Variants in ICAM3 observed in about 807,000 individuals in gnomAD.
The protein encoded by ICAM3 is ICAM-3.
Under a neutral mutation model 43.6 loss-of-function variants are expected in ICAM3, and 54 were observed. The observed-to-expected ratio is 1.24, with a 90% CI of 0.99 to 1.55. The LOEUF is 1.55. ICAM3 is among the 40% of genes most tolerant of loss of function. The pLI is 0.00. For missense variants in ICAM3, 715 were observed against 717.9 expected, an observed-to-expected ratio of 1.00 and a Z score of 0.05; for synonymous variants, 306 against 312.6, an observed-to-expected ratio of 0.98 and a Z score of 0.22.
chr19:10,335,335 G>A lies in ICAM3; in HGVS notation c.668C>T (p.Pro223Leu). 1 of 1,605,902 alleles carries A rather than the reference G, an allele frequency of 6.2e-7. No homozygotes were observed. The highest frequency in any genetic ancestry group is 8.5e-7 in the Non-Finnish European group (1 of 1,177,600). Residue 223 changes from proline (P) to leucine (L), a missense_variant, in exon 4 of 7, where the codon CCG becomes CTG. Pro to Leu is a moderately conservative substitution (Grantham distance 98, BLOSUM62 -3). Coordinates refer to ENST00000160262, the MANE Select transcript of ICAM3 (RefSeq NM_002162.5). ...LRTFVLPVTP[P>L]RLVAPRFLEV... ...CAAGAACCGGGGGGCCACGAGGCGC[G>A]GGGGGGTCACGGGCAGGACTGGGGA...
Position 10,335,341 on chromosome 19 carries a change from G to C in ICAM3, c.662C>G (p.Thr221Ser). 2.5e-6 allele frequency: 4 copies of C among 1,606,824 alleles called. No homozygotes were observed. Among genetic ancestry groups the C allele is most frequent in the South Asian group, 1.1e-5 (1 of 90,908 alleles). Residue 221 changes from threonine (T) to serine (S), a missense_variant, in exon 4 of 7, where the codon ACC (threonine) becomes AGC (serine). Coordinates refer to ENST00000160262, the MANE Select transcript of ICAM3 (RefSeq NM_002162.5). ...RQLRTFVLPV[T>S]PPRLVAPRFL... is the part of the protein sequence containing the mutation. ...CCGGGGGGCCACGAGGCGCGGGGGGGTCACGGGCAGGACTGGGGAGAAAGG... is the reference window on the plus strand; with the variant it reads ...CCGGGGGGCCACGAGGCGCGGGGGGCTCACGGGCAGGACTGGGGAGAAAGG...
At position 10,335,210 on chromosome 19, in the gene ICAM3, C is replaced by G; in HGVS notation, c.793G>C (p.Ala265Pro). 1 of 1,613,924 alleles carries G rather than the reference C, an allele frequency of 6.2e-7. No individual in the cohort carries two copies. The part of the protein sequence containing the change: ...YLALGDQMLN[A>P]TVMNHGDTLT... Reference sequence around the variant, plus strand: ...GTGTCCCCGTGGTTCATGACTGTCGCATTCAGCATCTGGTCCCCCAGCGCC... The same window carrying G: ...GTGTCCCCGTGGTTCATGACTGTCGGATTCAGCATCTGGTCCCCCAGCGCC... The change falls in exon 4 of 7, where the codon GCG becomes CCG. Residue 265 changes from alanine (A) to proline (P), a missense_variant. Coordinates refer to ENST00000160262, the MANE Select transcript of ICAM3 (RefSeq NM_002162.5).
Position 10,335,305 on chromosome 19 carries a change from A to G in ICAM3, c.698T>C (p.Val233Ala). Residue 233 changes from valine to alanine, a missense_variant, in exon 4 of 7, where the codon GTG becomes GCG. Physicochemically the swap from Val to Ala is moderately conservative, Grantham distance 64 (BLOSUM62 0). Coordinates refer to ENST00000160262, the MANE Select transcript of ICAM3 (RefSeq NM_002162.5). ...GCAGTCCACCGGCCACGACGTTTCC[A>G]CCTCCAAGAACCGGGGGGCCACGAG... ...PRLVAPRFLE[V>A]ETSWPVDCTL... The G allele has an allele frequency of 1.2e-6, 2 of 1,611,818 alleles. No homozygotes were observed. The highest frequency in any genetic ancestry group is 1.7e-6 in the Non-Finnish European group (2 of 1,179,676).
Position 10,339,570 on chromosome 19 carries a change from C to G in ICAM3, c.45G>C (p.Trp15Cys). 1 of 1,614,080 alleles carries G rather than the reference C, an allele frequency of 6.2e-7. No individual in the cohort carries two copies. The highest frequency in any genetic ancestry group is 8.5e-7 in the Non-Finnish European group (1 of 1,180,014). The change falls in exon 1 of 7, where the codon TGG (tryptophan) becomes TGC (cysteine). Residue 15 changes from tryptophan (W) to cysteine (C), a missense_variant. By Grantham distance (215) the Trp-to-Cys change is radical (BLOSUM62 -2). Transcript: ENST00000160262. ...VPSVLWPRAC[W>C]TLLVCCLLTP... is the part of the protein sequence containing the mutation. ...TCAGCAGACAGCAGACCAGCAGAGT[C>G]CAGCAGGCCCTGGGCCACAACACGG...
intron 2 of ICAM3, among the ~76,000 whole-genome samples, chr19:10,338,403 C>CAA (rs201095769): frequency 1.0e-3 from 132 of 126,462 alleles, no homozygotes; most frequent in Non-Finnish European, 1.7e-3. Flanking sequence ...AACTCTGTCT[C>CAA]AAAAAAAAAA....
chr19:10,335,463 G>GAC (rs2040586324), intron 3 of ICAM3, 110 bp from the exon 4 acceptor site: 6 of 1,174,978 alleles, frequency 5.1e-6, no homozygotes, highest in South Asian at 3.1e-5. Context: ...TTCTTCACAG[G>GAC]ACACACACAC....
rs2099655415 is a variant in ICAM3, at chr19:10,334,917, C to A, written c.938-135G>T. ...CCGTTCAAGCCTCGCCCTCTTTCCG[C>A]GCTGTGTCCAGCTTCGGGCACTCAG... On this transcript the variant is annotated intron_variant, in intron 4 of 6. Transcript: ENST00000160262. This position sits in a 1 kb window ranked among gnomAD's most constrained non-coding sequence, Gnocchi z 5.5. 28 of 1,444,734 alleles carry A rather than the reference C, an allele frequency of 1.9e-5. No homozygotes were observed. Among genetic ancestry groups the A allele is most frequent in the Non-Finnish European group, 2.4e-5 (26 of 1,074,660 alleles). The allele number at this position is 1,444,734 out of a possible 1,614,324, so 89.5% of individuals were successfully genotyped here.
chr19:10,338,037 C>T (rs576869005), intron 2 of ICAM3, among the ~76,000 whole-genome samples: 1 of 150,336 alleles, frequency 6.7e-6, no homozygotes, highest in East Asian at 1.9e-4. Flanking sequence ...GCAGAGGTCG[C>T]AGTGAGCCGA....
At chr19:10,336,018 A>T in intron 2 of ICAM3, 42 bp from the exon 3 acceptor site, 2 of 1,486,404 alleles carry the variant, frequency 1.3e-6, no homozygotes, top group East Asian at 2.5e-5. Flanking sequence ...GGTCCTGCAA[A>T]CCCACCCACT....
chr19:10,339,610 G>A lies in ICAM3; in HGVS notation c.5C>T (p.Ala2Val). 6.2e-7 allele frequency: 1 copy of A among 1,613,676 alleles called. No homozygotes were observed. Among genetic ancestry groups the A allele is most frequent in the Non-Finnish European group, 8.5e-7 (1 of 1,179,850 alleles). M[A>V]TMVPSVLWPR... ...CCACAACACGGATGGTACCATGGTG[G>A]CCATTCTGACAGAGGAAGGTGCCTT... The change falls in exon 1 of 7, where the codon GCC (alanine) becomes GTC (valine). Residue 2 changes from alanine (A) to valine (V), a missense_variant. Physicochemically the swap from Ala to Val is moderately conservative, Grantham distance 64. Coordinates refer to ENST00000160262, the MANE Select transcript of ICAM3 (RefSeq NM_002162.5).
Position 10,333,839 on chromosome 19 carries a change from T to G in ICAM3, c.*18A>C. On this transcript the variant is annotated 3_prime_UTR_variant, in exon 7 of 7. Transcript: ENST00000160262. The surrounding 1 kb of genome is among the most constrained non-coding windows in gnomAD (Gnocchi z 4.2). Reference sequence around the variant, plus strand: ...GGCACAGCCAAGCCCCCGCCAACTTTGATCCCGGATCCCAGCGTCACTCAG... The same window carrying G: ...GGCACAGCCAAGCCCCCGCCAACTTGGATCCCGGATCCCAGCGTCACTCAG... 6.2e-7 allele frequency: 1 copy of G among 1,611,448 alleles called. No individual in the cohort carries two copies. Among genetic ancestry groups the G allele is most frequent in the South Asian group, 1.1e-5 (1 of 91,058 alleles).
Position 10,338,829 on chromosome 19 carries a change from C to T in ICAM3, c.196G>A (p.Glu66Lys). Residue 66 changes from glutamate to lysine, a missense_variant, in exon 2 of 7, where the codon GAG becomes AAG. Glu to Lys is a moderately conservative substitution (Grantham distance 56). Coordinates refer to ENST00000160262, the MANE Select transcript of ICAM3 (RefSeq NM_002162.5). ...ACCAGCTCCTTTGATAGGGACGTCTCCAAGGCGATTTTCTCAGAGCTGGGA... is the reference window on the plus strand; with the variant it reads ...ACCAGCTCCTTTGATAGGGACGTCTTCAAGGCGATTTTCTCAGAGCTGGGA... ...DCPSSEKIAL[E>K]TSLSKELVAS... is the part of the protein sequence containing the mutation. 1 of 1,614,180 alleles carries T rather than the reference C, an allele frequency of 6.2e-7. No individual in the cohort carries two copies. The highest frequency in any genetic ancestry group is 8.5e-7 in the Non-Finnish European group (1 of 1,180,044).
In ICAM3 at chr19:10,333,835, A is replaced by G. The variant is rs749732092; in HGVS notation, c.*22T>C. The G allele has an allele frequency of 1.2e-6, 2 of 1,610,720 alleles. No individual in the cohort carries two copies. Among genetic ancestry groups the G allele is most frequent in the Non-Finnish European group, 1.7e-6 (2 of 1,177,096 alleles). ...TGAGGGCACAGCCAAGCCCCCGCCA[A>G]CTTTGATCCCGGATCCCAGCGTCAC... is the stretch of plus-strand genomic sequence containing the variant. On this transcript the variant is annotated 3_prime_UTR_variant, in exon 7 of 7. Coordinates refer to ENST00000160262, the MANE Select transcript of ICAM3 (RefSeq NM_002162.5). This position sits in a 1 kb window ranked among gnomAD's most constrained non-coding sequence, Gnocchi z 4.2.
At chr19:10,339,136 G>T in intron 1 of ICAM3, 188 bp from the exon 2 acceptor site, 1 of 649,368 alleles carries the variant, frequency 1.5e-6, no homozygotes, top group Non-Finnish European at 2.6e-6. Context: ...AAGAGGCTCT[G>T]ATCCAGCATA....
chr19:10,335,008 C>T lies in ICAM3; in HGVS notation c.937+58G>A, dbSNP rs1422395219. 3.2e-6 allele frequency: 5 copies of T among 1,568,544 alleles called. No individual in the cohort carries two copies. In the East Asian group the frequency reaches 9.0e-5, roughly 28 times the overall value. On this transcript the variant is annotated intron_variant, in intron 4 of 6. Transcript: ENST00000160262. The stretch of plus-strand genomic sequence containing the variant: ...CCCACCTTTTCGGCTAGTCTCCGCC[C>T]CCTCTGCCACGCCCCCAGACTGCTG...
chr19:10,333,777 T>C lies in ICAM3; in HGVS notation c.*80A>G, dbSNP rs1445989416. 6.7e-7 allele frequency: 1 copy of C among 1,493,300 alleles called. No individual in the cohort carries two copies. The highest frequency in any genetic ancestry group is 1.4e-5 in the African/African-American group (1 of 72,424). The allele number at this position is 1,493,300 out of a possible 1,614,324, so 92.5% of individuals were successfully genotyped here. A position where few individuals can be genotyped will look rare whatever the true frequency, so the allele number is the denominator to read the frequency against. On this transcript the variant is annotated 3_prime_UTR_variant, in exon 7 of 7. Coordinates refer to ENST00000160262, the MANE Select transcript of ICAM3 (RefSeq NM_002162.5). The surrounding 1 kb of genome is among the most constrained non-coding windows in gnomAD (Gnocchi z 4.2). ...GCGCGGGTGGAATCAAACCACAGAT[T>C]AGGGAGTTTGAAGGCTTTATTGGTG...
At position 10,334,292 on chromosome 19, in the gene ICAM3, T is replaced by C. The variant is rs1220519783; in HGVS notation, c.1309A>G (p.Lys437Glu). ...GGCACCTCCCGGCTGGAGCCTTCCTTCAAACACCGCAGCTCGGGGTACGGG... is the reference window on the plus strand; with the variant it reads ...GGCACCTCCCGGCTGGAGCCTTCCTCCAAACACCGCAGCTCGGGGTACGGG... ...GNPYPELRCL[K>E]EGSSREVPVG... Residue 437 changes from lysine (K) to glutamate (E), a missense_variant, in exon 6 of 7, where the codon AAG (lysine) becomes GAG (glutamate). Coordinates refer to ENST00000160262, the MANE Select transcript of ICAM3 (RefSeq NM_002162.5). This position sits in a 1 kb window ranked among gnomAD's most constrained non-coding sequence, Gnocchi z 5.5. The C allele has an allele frequency of 6.2e-7, 1 of 1,614,036 alleles. No individual in the cohort carries two copies. Among genetic ancestry groups the C allele is most frequent in the Non-Finnish European group, 8.5e-7 (1 of 1,180,032 alleles).
At chr19:10,337,457 C>CCAGGTACACTGGCT (rs111906193) in intron 2 of ICAM3, among the ~76,000 whole-genome samples, 2 of 146,804 alleles carry the variant, frequency 1.4e-5, no homozygotes, top group Non-Finnish European at 3.0e-5. Flanking sequence ...AAAAAAGTAG[C>CCAGGTACACTGGCT]CAGGCCTGCA....
chr19:10,338,604 C>G, intron 2 of ICAM3, 78 bp downstream of exon 2: 1 of 1,377,954 alleles, frequency 7.3e-7, no homozygotes, highest in South Asian at 1.2e-5. Context: ...AACTGAGGGT[C>G]CCCACTCTCC....
Sources: allele counts gnomAD v4.1 joint callset (sites outside exome capture counted in the v4.1 genomes callset), GRCh38; gene constraint gnomAD v4.1.1; non-coding constraint Gnocchi (gnomAD v3.1); transcripts MANE v1.5; gene names NCBI Gene and HGNC (gene_info 2026-07-23, HGNC 2026-07-21).